PABPC1L: variants seen among roughly 807,000 people sequenced by gnomAD.
The protein encoded by PABPC1L is poly(A) binding protein cytoplasmic 1 like.
PABPC1L carries 31 observed loss-of-function variants against 66.6 expected under a neutral mutation model. The observed-to-expected ratio is 0.47, with a 90% CI of 0.35 to 0.63. The LOEUF is 0.63. PABPC1L is among the 20% of genes least tolerant of loss of function. The pLI is 0.00. For missense variants in PABPC1L, 722 were observed against 848.8 expected (o/e 0.85, Z 1.86); for synonymous variants, 348 against 335.1 (o/e 1.04, Z -0.42).
rs766259061 is a variant in PABPC1L, at chr20:44,924,133, A to G, written c.877-28A>G. The G allele has an allele frequency of 1.9e-6, 3 of 1,569,186 alleles. No homozygotes were observed. In the South Asian group the frequency reaches 3.3e-5, roughly 17 times the overall value. On this transcript the variant is annotated intron_variant, in intron 6 of 14. Coordinates refer to ENST00000217073, the MANE Select transcript of PABPC1L (RefSeq NM_001372179.1). Reference sequence around the variant, plus strand: ...CAGTTGGGGCTTGGAGGAGAAGGGGACATCCAGCAGTTTCCCTTCCATCCC... The same window carrying G: ...CAGTTGGGGCTTGGAGGAGAAGGGGGCATCCAGCAGTTTCCCTTCCATCCC...
At chr20:44,938,866 CAA>C (rs2066922053) in intron 14 of PABPC1L, 118 bp downstream of exon 14, 1 of 1,017,910 alleles carries the variant, frequency 9.8e-7, no homozygotes, top group Non-Finnish European at 1.5e-6. Flanking sequence ...TCTGAAGCAC[CAA>C]AGAGTTTGGA....
At chr20:44,919,593 G>GTA (rs2066759523) in intron 5 of PABPC1L, among the ~76,000 whole-genome samples, 1 of 152,196 alleles carries the variant, frequency 6.6e-6, no homozygotes, top group African/African-American at 2.4e-5. Context: ...GTGTGCACCT[G>GTA]TAGTCTCAGC....
At chr20:44,927,665 A>T (rs1413410912) in intron 7 of PABPC1L, among the ~76,000 whole-genome samples, 1 of 152,032 alleles carries the variant, frequency 6.6e-6, no homozygotes, top group Non-Finnish European at 1.5e-5. Flanking sequence ...CTATCTGATG[A>T]AGCCTGTGGA....
chr20:44,919,702 C>A lies in PABPC1L; in HGVS notation c.738+425C>A, dbSNP rs546709950. Among the ~76,000 whole-genome samples, 3 of 152,236 alleles carry A rather than the reference C, an allele frequency of 2.0e-5. No homozygotes were observed. In the South Asian group the frequency reaches 6.2e-4, roughly 32 times the overall value. ...CCCTGTCTCTAATTTTTTAAAAACT[C>A]TCCAGATGTGATGGCTCATGCTTGT... On this transcript the variant is annotated intron_variant, in intron 5 of 14. Coordinates refer to ENST00000217073, the MANE Select transcript of PABPC1L (RefSeq NM_001372179.1).
At chr20:44,923,794 G>A (rs2066790443) in intron 6 of PABPC1L, among the ~76,000 whole-genome samples, 1 of 152,126 alleles carries the variant, frequency 6.6e-6, no homozygotes, top group Non-Finnish European at 1.5e-5. Context: ...GAGGAGCTCT[G>A]ACTCCTGCTG....
chr20:44,916,780 C>T lies in PABPC1L; in HGVS notation c.412C>T (p.Arg138Trp), dbSNP rs769457954. The T allele has an allele frequency of 8.1e-6, 13 of 1,614,076 alleles. 1 individual carries two copies. Among genetic ancestry groups the T allele is most frequent in the African/African-American group, 6.7e-5 (5 of 74,932 alleles). Reference sequence around the variant, plus strand: ...GGTGGCGTGTGACGAGCATGGCTCCCGGGGTTTCGGCTTTGTCCATTTTGA... The same window carrying T: ...GGTGGCGTGTGACGAGCATGGCTCCTGGGGTTTCGGCTTTGTCCATTTTGA... ...CKVACDEHGS[R>W]GFGFVHFETH... is the part of the protein sequence containing the mutation. Residue 138 changes from arginine (R) to tryptophan (W), a missense_variant, in exon 3 of 15, where the codon CGG becomes TGG. Transcript: ENST00000217073.
At chr20:44,915,786 T>G (rs2066733767) in intron 2 of PABPC1L, among the ~76,000 whole-genome samples, 2 of 126,014 alleles carry the variant, frequency 1.6e-5, no homozygotes, top group African/African-American at 3.2e-5. Context: ...GCAACAAGAG[T>G]GAAACTCTAT....
chr20:44,938,782 G>A lies in PABPC1L; in HGVS notation c.*6+34G>A, dbSNP rs189896671. The A allele has an allele frequency of 3.0e-4, 475 of 1,586,272 alleles. 1 individual carries two copies. In the African/African-American group the frequency reaches 4.2e-3, roughly 14 times the overall value. ...AATGGTGACAGAAGCAGCTGAGCCC[G>A]GGAGAAGCTGTAAGGAAATAGGCAG... On this transcript the variant is annotated intron_variant, in intron 14 of 14. Transcript: ENST00000217073.
At chr20:44,932,252 G>A (rs1462380337) in intron 8 of PABPC1L, 90 bp from the exon 9 acceptor site, 1 of 971,408 alleles carries the variant, frequency 1.0e-6, no homozygotes, top group Non-Finnish European at 1.5e-6. Context: ...GGAGCCAGTG[G>A]AGTTCCTGCC....
chr20:44,916,986 C>A, intron 3 of PABPC1L, 115 bp downstream of exon 3: 1 of 941,656 alleles, frequency 1.1e-6, no homozygotes, highest in Non-Finnish European at 1.6e-6. Flanking sequence ...ACTTGAGCGG[C>A]AGGCAGCCCT....
chr20:44,932,971 T>C, intron 9 of PABPC1L, 86 bp from the exon 10 acceptor site: 1 of 823,416 alleles, frequency 1.2e-6, no homozygotes, highest in South Asian at 1.6e-5. Context: ...TTGGTGGCCC[T>C]GGAAGCTTCT....
chr20:44,927,730 A>G (rs111399512), intron 7 of PABPC1L, among the ~76,000 whole-genome samples: 1,829 of 152,062 alleles, frequency 0.012, 31 homozygotes, highest in African/African-American at 0.039. Flanking sequence ...TCGCTCTATC[A>G]CCCAGGCTGG....
At chr20:44,935,021 T>G (rs1486094679) in intron 10 of PABPC1L, among the ~76,000 whole-genome samples, 4 of 148,750 alleles carry the variant, frequency 2.7e-5, no homozygotes, top group Non-Finnish European at 5.9e-5. Flanking sequence ...TGAGCCGAGA[T>G]AACACCACTG....
At chr20:44,934,145 G>A (rs8120644) in intron 10 of PABPC1L, among the ~76,000 whole-genome samples, 1 of 152,102 alleles carries the variant, frequency 6.6e-6, no homozygotes, top group African/African-American at 2.4e-5. Context: ...AAGGGTGTAG[G>A]TTTTGGCTGT....
At chr20:44,921,053 T>G (rs914754551) in intron 5 of PABPC1L, among the ~76,000 whole-genome samples, 4 of 151,958 alleles carry the variant, frequency 2.6e-5, no homozygotes, top group African/African-American at 9.7e-5. Flanking sequence ...CCTCAAGTGA[T>G]CCAACCGCCT....
intron 8 of PABPC1L, 60 bp from the exon 9 acceptor site, chr20:44,932,282 G>A (rs1420738940): frequency 6.4e-6 from 9 of 1,396,640 alleles, no homozygotes; most frequent in South Asian, 3.9e-5. Flanking sequence ...CTGAGGAGGT[G>A]TAGCTTCTCA....
intron 2 of PABPC1L, among the ~76,000 whole-genome samples, chr20:44,915,437 C>T (rs1449986349): frequency 6.6e-6 from 1 of 152,108 alleles, no homozygotes; most frequent in East Asian, 1.9e-4. Context: ...TTTCCTTGTT[C>T]TCAAGTTCTG....
At chr20:44,913,782 T>C (rs2066720310) in intron 2 of PABPC1L, among the ~76,000 whole-genome samples, 1 of 152,076 alleles carries the variant, frequency 6.6e-6, no homozygotes, top group African/African-American at 2.4e-5. Flanking sequence ...AATTATAGGA[T>C]GAAGGGTGTG....
chr20:44,912,937 T>C, intron 2 of PABPC1L, 84 bp downstream of exon 2: 3 of 1,314,066 alleles, frequency 2.3e-6, no homozygotes, highest in South Asian at 2.9e-5. Context: ...CACCTCACTT[T>C]ACAGTTTACA....
Sources: allele counts gnomAD v4.1 joint callset (sites outside exome capture counted in the v4.1 genomes callset), GRCh38; gene constraint gnomAD v4.1.1; transcripts MANE v1.5; gene names NCBI Gene and HGNC (gene_info 2026-07-23, HGNC 2026-07-21).